Variants in PNPLA1 observed in about 807,000 individuals in gnomAD.
PNPLA1 encodes patatin like domain 1, omega-hydroxyceramide transacylase, also known as omega-hydroxyceramide transacylase.
Under a neutral mutation model 51.7 loss-of-function variants are expected in PNPLA1, and 36 were observed. The ratio of observed to expected loss-of-function variants is 0.70; its 90% CI spans 0.53 to 0.92. The LOEUF (loss-of-function observed/expected upper bound fraction) is 0.92, where lower values mean the gene tolerates loss of function less well. Among genes scored for constraint, PNPLA1 ranks in the 40% least tolerant of loss-of-function variants. PNPLA1 has a pLI of 0.00. For missense variants in PNPLA1, 658 were observed against 682.5 expected, an observed-to-expected ratio of 0.96 and a Z score of 0.40; for synonymous variants, 293 against 280.1, an observed-to-expected ratio of 1.05 and a Z score of -0.46.
chr6:36,299,477 G>T (rs1770963873), intron 5 of PNPLA1, among the ~76,000 whole-genome samples: 1 of 152,078 alleles, frequency 6.6e-6, no homozygotes, highest in South Asian at 2.1e-4. Context: ...TGGGACTACA[G>T]GCGCCCGCTA....
In PNPLA1 at chr6:36,275,164, G is replaced by A. The variant is rs140676195; in HGVS notation, c.205+4500G>A. Among the ~76,000 whole-genome samples, 44 of 152,118 alleles carry A rather than the reference G, an allele frequency of 2.9e-4. No individual in the cohort carries two copies. The East Asian group carries it at 6.8e-3, about 23-fold the overall frequency. The stretch of plus-strand genomic sequence containing the variant: ...CACATTCATGGCTCACTGCAGCCTC[G>A]AACTCCTAGGCTCAAGTGATCCTCC... On this transcript the variant is annotated intron_variant, in intron 1 of 8. Transcript: ENST00000636260.
At chr6:36,247,501 C>T (rs1054500671) in intron 1 of PNPLA1, among the ~76,000 whole-genome samples, 4 of 152,242 alleles carry the variant, frequency 2.6e-5, no homozygotes, top group African/African-American at 9.6e-5. Context: ...TGCTGCTCTG[C>T]CCTAGCAGCC....
In PNPLA1 at chr6:36,270,597, C is replaced by T. The variant is rs551305152; in HGVS notation, c.138C>T (p.Ala46=). The change falls in exon 1 of 9, where the codon GCC becomes GCT. Residue 46 remains alanine, a synonymous_variant. Transcript: ENST00000636260. The part of the protein sequence containing the change: ...RDLAPRMLET[A]HRFAGTSAGA... The stretch of plus-strand genomic sequence containing the variant: ...TGGCCCCCCGGATGCTGGAAACAGC[C>T]CACCGCTTTGCGGGGACATCGGCAG... 1.3e-6 allele frequency: 2 copies of T among 1,551,666 alleles called. No individual in the cohort carries two copies. The highest frequency in any genetic ancestry group is 1.7e-4 in the Middle Eastern group (1 of 5,986).
chr6:36,272,501 G>A (rs1173228400), intron 1 of PNPLA1, among the ~76,000 whole-genome samples: 1 of 152,202 alleles, frequency 6.6e-6, no homozygotes, highest in Non-Finnish European at 1.5e-5. Flanking sequence ...GGAACCCCTG[G>A]TTATAGGATT....
In PNPLA1 at chr6:36,311,885, G is replaced by A. The variant is rs1400969163; in HGVS notation, c.1718G>A (p.Ter573=). Residue 573 remains the stop codon, a stop_retained_variant, in exon 9 of 9, where the codon TGA becomes TAA. Transcript: ENST00000636260. ...CCPEVWNSLG[*] ...CCTGAAGTGTGGAATTCCTTAGGAT[G>A]ACCTTGGAAGGCAGATACTGCCTGT... is the stretch of plus-strand genomic sequence containing the variant. 6.5e-6 allele frequency: 1 copy of A among 152,676 alleles called. No individual in the cohort carries two copies. The highest frequency in any genetic ancestry group is 1.5e-5 in the Non-Finnish European group (1 of 68,070). The allele number at this position is 152,676 out of a possible 1,614,324, so 9.5% of individuals were successfully genotyped here.
chr6:36,312,546 G>GGATTTCCT lies in PNPLA1; in HGVS notation c.*661_*668dup, dbSNP rs903440858. 6.6e-6 allele frequency among the ~76,000 whole-genome samples: 1 copy of GGATTTCCT among 152,106 alleles called. No individual in the cohort carries two copies. The highest frequency in any genetic ancestry group is 1.5e-5 in the Non-Finnish European group (1 of 67,996). On this transcript the variant is annotated 3_prime_UTR_variant, in exon 9 of 9. Coordinates refer to ENST00000636260, the MANE Select transcript of PNPLA1 (RefSeq NM_001374623.1). The stretch of plus-strand genomic sequence containing the variant: ...TAAGGTTAGGGAAGTCCTAGATGGG[G>GGATTTCCT]GATTTCCTAGGAAGCTGTGAGCCGA...
intron 8 of PNPLA1, among the ~76,000 whole-genome samples, chr6:36,310,349 G>A (rs770985109): frequency 3.9e-5 from 6 of 152,104 alleles, no homozygotes; most frequent in East Asian, 1.9e-4. Context: ...TAAGGGTTCC[G>A]TGGTCATCCG....
chr6:36,302,788 G>T (rs1470019586), intron 6 of PNPLA1, among the ~76,000 whole-genome samples: 2 of 152,136 alleles, frequency 1.3e-5, no homozygotes, highest in Non-Finnish European at 2.9e-5. Context: ...TGGAGGTGCG[G>T]CCCAGCTGCC....
intron 1 of PNPLA1, among the ~76,000 whole-genome samples, chr6:36,264,972 C>T (rs80189634): frequency 0.035 from 5,353 of 152,264 alleles, 134 homozygotes; most frequent in Middle Eastern, 0.14. Context: ...ATGGATATGT[C>T]TACATGTTTG....
chr6:36,260,181 C>T lies in PNPLA1; in HGVS notation c.-81+16920C>T, dbSNP rs191125881. 3.0e-4 allele frequency among the ~76,000 whole-genome samples: 46 copies of T among 152,086 alleles called. 1 individual carries two copies. The highest frequency in any genetic ancestry group is 1.1e-3 in the African/African-American group (44 of 41,482). On this transcript the variant is annotated intron_variant, in intron 1 of 7. Coordinates refer to the PNPLA1 transcript ENST00000312917. ...TGTTGTGTGCCTGTAGTCCTAGCTA[C>T]TAGGAGGCTGAAGCAGGAGGATTGC...
chr6:36,251,449 T>C (rs558517940), intron 1 of PNPLA1, among the ~76,000 whole-genome samples: 1 of 152,364 alleles, frequency 6.6e-6, no homozygotes, highest in Non-Finnish European at 1.5e-5. Flanking sequence ...CTTCTGAAGT[T>C]AGGTGTAGCT....
chr6:36,243,874 G>A (rs1001323936), intron 1 of PNPLA1, among the ~76,000 whole-genome samples: 2 of 152,184 alleles, frequency 1.3e-5, no homozygotes, highest in East Asian at 3.8e-4. Context: ...GTGAAGCCAG[G>A]GCTGGCTAAA....
At position 36,294,212 on chromosome 6, in the gene PNPLA1, C is replaced by T. The variant is rs1462324532; in HGVS notation, c.527C>T (p.Thr176Met). The T allele has an allele frequency of 5.6e-6, 9 of 1,614,160 alleles. No individual in the cohort carries two copies. The highest frequency in any genetic ancestry group is 4.5e-5 in the East Asian group (2 of 44,888). ...CAGAGGTACATCGATGGGGGCTTCACGGGCATGCAGCCCTGTGCCTTCTGG... is the reference window on the plus strand; with the variant it reads ...CAGAGGTACATCGATGGGGGCTTCATGGGCATGCAGCCCTGTGCCTTCTGG... ...RGVRYIDGGF[T>M]GMQPCAFWTD... Residue 176 changes from threonine to methionine, a missense_variant, in exon 4 of 9, where the codon ACG (threonine) becomes ATG (methionine). Coordinates refer to ENST00000636260, the MANE Select transcript of PNPLA1 (RefSeq NM_001374623.1). This position sits in a 1 kb window ranked among gnomAD's most constrained non-coding sequence, Gnocchi z 4.2.
At position 36,312,272 on chromosome 6, in the gene PNPLA1, T is replaced by C. The variant is rs1323887449; in HGVS notation, c.*386T>C. 1 of 152,176 alleles carries C rather than the reference T, an allele frequency of 6.6e-6. No individual in the cohort carries two copies. Among genetic ancestry groups the C allele is most frequent in the Non-Finnish European group, 1.5e-5 (1 of 68,048 alleles). The allele number at this position is 152,176 out of a possible 1,614,324, so 9.4% of individuals were successfully genotyped here. On this transcript the variant is annotated 3_prime_UTR_variant, in exon 9 of 9. Transcript: ENST00000636260. ...CGGAGACCACTTCAGCCCCATCCCC[T>C]TCCTAAAAAAACAAGTATCAGTTGA... is the stretch of plus-strand genomic sequence containing the variant.
intron 1 of PNPLA1, among the ~76,000 whole-genome samples, chr6:36,264,639 G>A (rs868710578): frequency 1.3e-5 from 2 of 152,164 alleles, no homozygotes; most frequent in African/African-American, 2.4e-5. Context: ...TACTTGTGAC[G>A]TCTCATTGCT....
At chr6:36,272,412 G>T (rs866742931) in intron 1 of PNPLA1, among the ~76,000 whole-genome samples, 10 of 152,202 alleles carry the variant, frequency 6.6e-5, no homozygotes, top group Admixed American at 1.3e-4. Context: ...TACAGAAGAA[G>T]CTTCACCTGC....
At chr6:36,309,124 G>A (rs1311071311) in intron 8 of PNPLA1, among the ~76,000 whole-genome samples, 2 of 152,176 alleles carry the variant, frequency 1.3e-5, no homozygotes, top group African/African-American at 4.8e-5. Context: ...GGCTCACCCG[G>A]CGGCCAAAGG....
At chr6:36,267,323 G>A (rs1450038638), upstream of PNPLA1, among the ~76,000 whole-genome samples, 2 of 152,210 alleles carry the variant, frequency 1.3e-5, no homozygotes, top group South Asian at 2.1e-4. Flanking sequence ...GCTGAGGCCT[G>A]CTGCTCACCA....
chr6:36,275,254 A>T (rs1415947643), intron 1 of PNPLA1, among the ~76,000 whole-genome samples: 7 of 152,018 alleles, frequency 4.6e-5, no homozygotes, highest in Admixed American at 4.6e-4. Context: ...AATTTTAAAA[A>T]TTTTTTTGTA....
Sources: allele counts gnomAD v4.1 joint callset (sites outside exome capture counted in the v4.1 genomes callset), GRCh38; gene constraint gnomAD v4.1.1; non-coding constraint Gnocchi (gnomAD v3.1); transcripts MANE v1.5; gene names NCBI Gene and HGNC (gene_info 2026-07-23, HGNC 2026-07-21).